Variants in MAST4 observed in about 807,000 individuals in gnomAD.
MAST4 encodes the protein microtubule associated serine/threonine kinase family member 4, also known as microtubule-associated serine/threonine-protein kinase 4.
Under a neutral mutation model 162.7 loss-of-function variants are expected in MAST4, and 89 were observed. The ratio of observed to expected loss-of-function variants is 0.55; its 90% confidence interval spans 0.46 to 0.65. The LOEUF (loss-of-function observed/expected upper bound fraction) is 0.65. MAST4 is among the 30% of genes least tolerant of loss of function. The probability of loss-of-function intolerance (pLI) is 0.00; values close to 1 mark genes in which losing one functional copy is unlikely to be tolerated. For synonymous variants in MAST4, 1,479 were observed against 1,361.1 expected (o/e 1.09, Z -1.91); for missense variants, 3,153 against 3,374.0 (o/e 0.93, Z 1.62).
At chr5:66,910,530 A>G (rs1359909198) in intron 4 of MAST4, among the ~76,000 whole-genome samples, 2 of 152,100 alleles carry the variant, frequency 1.3e-5, no homozygotes, top group African/African-American at 4.8e-5. Flanking sequence ...AATCTGTGCC[A>G]TCTCCTCTGC....
intron 1 of MAST4, among the ~76,000 whole-genome samples, chr5:66,669,130 G>A (rs1747450786): frequency 6.6e-6 from 1 of 152,162 alleles, no homozygotes; most frequent in African/African-American, 2.4e-5. Context: ...ATCAGCATGA[G>A]AATTTCCTTC....
intron 23 of MAST4, among the ~76,000 whole-genome samples, chr5:67,147,538 G>A (rs1771247854): frequency 1.3e-5 from 2 of 152,170 alleles, no homozygotes; most frequent in African/African-American, 2.4e-5. Context: ...ACTACATTGT[G>A]TTTGAAGCCA....
chr5:66,933,361 A>G (rs1306318398), intron 4 of MAST4, among the ~76,000 whole-genome samples: 2 of 152,170 alleles, frequency 1.3e-5, no homozygotes, highest in Non-Finnish European at 1.5e-5. Context: ...CCTATTAATA[A>G]TTGTTCTACA....
chr5:66,688,294 C>A (rs965558861), intron 1 of MAST4, among the ~76,000 whole-genome samples: 1 of 152,126 alleles, frequency 6.6e-6, no homozygotes, highest in African/African-American at 2.4e-5. Flanking sequence ...TTTGACACAC[C>A]CACTCAAATG....
chr5:66,919,347 T>G (rs1346516345), intron 4 of MAST4, among the ~76,000 whole-genome samples: 1 of 151,818 alleles, frequency 6.6e-6, no homozygotes. Context: ...TCAAAACAAT[T>G]TGCCATCTCA....
chr5:67,095,248 C>T (rs1764314962), intron 6 of MAST4, among the ~76,000 whole-genome samples: 1 of 152,164 alleles, frequency 6.6e-6, no homozygotes, highest in African/African-American at 2.4e-5. Flanking sequence ...TGGTTATCAG[C>T]TTCCAGATGA....
intron 16 of MAST4, 107 bp downstream of exon 16, chr5:67,132,058 A>G (rs1473273705): frequency 7.3e-6 from 9 of 1,229,182 alleles, no homozygotes; most frequent in Non-Finnish European, 1.0e-5. Flanking sequence ...ATTATTCCAT[A>G]ATGTCCAAAA....
intron 1 of MAST4, among the ~76,000 whole-genome samples, chr5:66,691,803 G>T (rs1318159191): frequency 6.6e-6 from 1 of 152,120 alleles, no homozygotes; most frequent in Non-Finnish European, 1.5e-5. Context: ...CGCATTGGGG[G>T]TTAGGATTTC....
At chr5:66,636,733 G>T (rs971766508) in intron 1 of MAST4, among the ~76,000 whole-genome samples, 2 of 152,174 alleles carry the variant, frequency 1.3e-5, no homozygotes, top group East Asian at 3.8e-4. Context: ...AAATGGCCAG[G>T]ATATATGGTA....
At chr5:67,049,021 ACG>A (rs1491155271) in intron 4 of MAST4, among the ~76,000 whole-genome samples, 35 of 103,928 alleles carry the variant, frequency 3.4e-4, no homozygotes, top group African/African-American at 6.9e-4. Flanking sequence ...ATATATATAT[ACG>A]TATATATATA....
intron 3 of MAST4, among the ~76,000 whole-genome samples, chr5:66,810,888 G>T (rs900672391): frequency 6.6e-6 from 1 of 152,204 alleles, no homozygotes; most frequent in Non-Finnish European, 1.5e-5. Flanking sequence ...GAAAGTGTCT[G>T]CTGAGTCTCC....
chr5:67,131,107 C>A (rs1251152060), intron 15 of MAST4, among the ~76,000 whole-genome samples: 2 of 152,042 alleles, frequency 1.3e-5, no homozygotes, highest in African/African-American at 4.8e-5. Flanking sequence ...TTAGTTTAAC[C>A]TTTGCATTTC....
intron 1 of MAST4, among the ~76,000 whole-genome samples, chr5:66,669,925 C>A (rs1397756964): frequency 6.6e-6 from 1 of 152,194 alleles, no homozygotes; most frequent in Non-Finnish European, 1.5e-5. Flanking sequence ...GAGGATGAAG[C>A]TTATCTCCTT....
chr5:66,822,016 G>T (rs562900902), intron 3 of MAST4, among the ~76,000 whole-genome samples: 42 of 152,182 alleles, frequency 2.8e-4, no homozygotes, highest in Non-Finnish European at 6.2e-4. Flanking sequence ...CCAGAAGGTT[G>T]CCTCTTCTTC....
intron 5 of MAST4, among the ~76,000 whole-genome samples, chr5:67,087,404 G>A (rs540412677): frequency 1.3e-5 from 2 of 152,274 alleles, no homozygotes; most frequent in African/African-American, 4.8e-5. Context: ...AGAACCTCCA[G>A]CATCTCTCTC....
chr5:66,626,385 A>G (rs1445275498), intron 1 of MAST4, among the ~76,000 whole-genome samples: 1 of 152,164 alleles, frequency 6.6e-6, no homozygotes, highest in Non-Finnish European at 1.5e-5. Flanking sequence ...ATCTAAATAG[A>G]GCTGTTAAGA....
At chr5:66,685,770 C>T (rs908578636) in intron 1 of MAST4, among the ~76,000 whole-genome samples, 2 of 152,054 alleles carry the variant, frequency 1.3e-5, no homozygotes, top group South Asian at 2.1e-4. Flanking sequence ...AATGCTTGAT[C>T]CTGTCACTTA....
intron 4 of MAST4, among the ~76,000 whole-genome samples, chr5:67,042,254 TC>T (rs1756841281): frequency 6.6e-6 from 1 of 152,122 alleles, no homozygotes; most frequent in Non-Finnish European, 1.5e-5. Flanking sequence ...GCAAGTCACT[TC>T]GTTGTCTTCC....
intron 5 of MAST4, among the ~76,000 whole-genome samples, chr5:67,083,291 C>T (rs1435453258): frequency 3.3e-5 from 5 of 152,174 alleles, no homozygotes; most frequent in African/African-American, 1.2e-4. Flanking sequence ...ACATATTTTG[C>T]TTCTTCCAGA....
Sources: allele counts gnomAD v4.1 joint callset (sites outside exome capture counted in the v4.1 genomes callset), GRCh38; gene constraint gnomAD v4.1.1; transcripts MANE v1.5; gene names NCBI Gene and HGNC (gene_info 2026-07-23, HGNC 2026-07-21).